Variants in DSP observed in about 807,000 individuals in gnomAD.
DSP encodes the protein 250/210 kDa paraneoplastic pemphigus antigen.
Under a neutral mutation model 290.6 loss-of-function variants are expected in DSP, and 114 were observed. That is an observed-to-expected ratio of 0.39 (90% CI 0.34 to 0.46). The LOEUF is 0.46. DSP is among the 20% of genes least tolerant of loss of function. The probability of loss-of-function intolerance (pLI) is 0.99; values close to 1 mark genes in which losing one functional copy is unlikely to be tolerated. For synonymous variants in DSP, 1,311 were observed against 1,316.4 expected, an observed-to-expected ratio of 1.00 and a Z score of 0.09; for missense variants, 3,230 against 3,495.8, an observed-to-expected ratio of 0.92 and a Z score of 1.92.
At position 7,541,825 on chromosome 6, in the gene DSP, T is replaced by C; in HGVS notation, c.-91T>C. On this transcript the variant is annotated 5_prime_UTR_variant, in exon 1 of 24. Transcript: ENST00000379802. ...GCACTCCCGCCCGGTTCCCCGGCCGTCCGCCTATCCTTGGCCCCCTCCGCT... is the reference window on the plus strand; with the variant it reads ...GCACTCCCGCCCGGTTCCCCGGCCGCCCGCCTATCCTTGGCCCCCTCCGCT... 3 of 1,462,844 alleles carry C rather than the reference T, an allele frequency of 2.1e-6. No homozygotes were observed. The highest frequency in any genetic ancestry group is 2.7e-6 in the Non-Finnish European group (3 of 1,097,800). The allele number at this position is 1,462,844 out of a possible 1,614,324, so 90.6% of individuals were successfully genotyped here.
chr6:7,549,304 C>G (rs2113643434), intron 1 of DSP, among the ~76,000 whole-genome samples: 1 of 152,274 alleles, frequency 6.6e-6, no homozygotes, highest in Middle Eastern at 3.4e-3. Flanking sequence ...CATGCGCCAC[C>G]ACGCCAGGCT....
chr6:7,543,834 G>A (rs1758093257), intron 1 of DSP, among the ~76,000 whole-genome samples: 1 of 152,138 alleles, frequency 6.6e-6, no homozygotes, highest in African/African-American at 2.4e-5. Context: ...TATACCTTTT[G>A]TAGGGGAGTA....
chr6:7,566,632 C>T (rs1476982913), intron 8 of DSP, 151 bp downstream of exon 8: 1 of 680,146 alleles, frequency 1.5e-6, no homozygotes, highest in Admixed American at 2.7e-5. Context: ...GGTTGGCAAA[C>T]TCTTTTCAGG....
Position 7,582,825 on chromosome 6 carries a change from T to C in DSP, c.5563T>C (p.Cys1855Arg), listed in dbSNP as rs1453126950. 1 of 1,613,358 alleles carries C rather than the reference T, an allele frequency of 6.2e-7. No individual in the cohort carries two copies. The highest frequency in any genetic ancestry group is 8.5e-7 in the Non-Finnish European group (1 of 1,179,884). The change falls in exon 24 of 24, where the codon TGT (cysteine) becomes CGT (arginine). Residue 1855 changes from cysteine to arginine, a missense_variant. Around this residue, in one of 5 missense-constraint regions of DSP, gnomAD observed 1,714 missense variants for 1,844.5 expected, o/e 0.93. Coordinates refer to ENST00000379802, the MANE Select transcript of DSP (RefSeq NM_004415.4). The surrounding 1 kb of genome is among the most constrained non-coding windows in gnomAD (Gnocchi z 4.2). ...AACCAGGGTGAAACAGCGCCTGGAGTGTGAGAAACAGCAAATTCAGAATGA... is the reference window on the plus strand; with the variant it reads ...AACCAGGGTGAAACAGCGCCTGGAGCGTGAGAAACAGCAAATTCAGAATGA... Reference protein sequence around the residue: ...AETRVKQRLECEKQQIQNDLN... With the variant: ...AETRVKQRLEREKQQIQNDLN...
chr6:7,562,338 G>T (rs988528820), intron 4 of DSP, among the ~76,000 whole-genome samples: 2 of 149,808 alleles, frequency 1.3e-5, no homozygotes, highest in Admixed American at 1.3e-4. Flanking sequence ...TATGTTCTGT[G>T]CACATGCTTG....
rs772372947 is a variant in DSP at position 7,580,185 on chromosome 6, C to T, written c.3995C>T (p.Ala1332Val). 3 of 1,614,008 alleles carry T rather than the reference C, an allele frequency of 1.9e-6. No homozygotes were observed. Among genetic ancestry groups the T allele is most frequent in the Admixed American group, 1.7e-5 (1 of 60,018 alleles). ...DKNKEIERLK[A>V]EFQEEAKRRW... Reference sequence around the variant, plus strand: ...AATAAGGAGATCGAGAGACTCAAAGCTGAGTTTCAGGAGGAGGCCAAGCGC... The same window carrying T: ...AATAAGGAGATCGAGAGACTCAAAGTTGAGTTTCAGGAGGAGGCCAAGCGC... The change falls in exon 23 of 24, where the codon GCT (alanine) becomes GTT (valine). Residue 1332 changes from alanine to valine, a missense_variant. Physicochemically the swap from Ala to Val is moderately conservative, Grantham distance 64 (BLOSUM62 0). Coordinates refer to ENST00000379802, the MANE Select transcript of DSP (RefSeq NM_004415.4). The surrounding 1 kb of genome is among the most constrained non-coding windows in gnomAD (Gnocchi z 4.2).
chr6:7,577,057 T>G lies in DSP; in HGVS notation c.2877+15T>G. ...ATTCAATTAAGGTATGTTGGTTTCA[T>G]AAAGAATGTTGGTATTTCACCAAGA... On this transcript the variant is annotated intron_variant, in intron 20 of 23. Coordinates refer to ENST00000379802, the MANE Select transcript of DSP (RefSeq NM_004415.4). The G allele has an allele frequency of 1.3e-6, 2 of 1,595,390 alleles. No homozygotes were observed. Among genetic ancestry groups the G allele is most frequent in the Non-Finnish European group, 1.7e-6 (2 of 1,166,964 alleles).
At chr6:7,574,338 C>T in intron 16 of DSP, 86 bp downstream of exon 16, 1 of 1,374,796 alleles carries the variant, frequency 7.3e-7, no homozygotes. Flanking sequence ...GCTTGCCTTA[C>T]AGTTTCTCTG....
rs1221191382 is a variant in DSP at position 7,568,603 on chromosome 6, T to C, written c.1419+14T>C. 3 of 1,613,350 alleles carry C rather than the reference T, an allele frequency of 1.9e-6. No homozygotes were observed. The highest frequency in any genetic ancestry group is 2.5e-6 in the Non-Finnish European group (3 of 1,180,004). ...AAACAAGATCAGGTGTGTACTCATT[T>C]AGAATGATACAAAAGTTTTCCCTGT... On this transcript the variant is annotated intron_variant, in intron 11 of 23. Coordinates refer to ENST00000379802, the MANE Select transcript of DSP (RefSeq NM_004415.4).
chr6:7,565,596 T>C lies in DSP; in HGVS notation c.939+76T>C, dbSNP rs1228981340. On this transcript the variant is annotated intron_variant, in intron 7 of 23. Coordinates refer to ENST00000379802, the MANE Select transcript of DSP (RefSeq NM_004415.4). This position sits in a 1 kb window ranked among gnomAD's most constrained non-coding sequence, Gnocchi z 4.2. ...GAAGAGCTGGGGTCTCGGGGAATGATTGGTCTATTAATAATTTAATCAGCC... is the reference window on the plus strand; with the variant it reads ...GAAGAGCTGGGGTCTCGGGGAATGACTGGTCTATTAATAATTTAATCAGCC... 4 of 1,565,592 alleles carry C rather than the reference T, an allele frequency of 2.6e-6. No homozygotes were observed. The highest frequency in any genetic ancestry group is 4.5e-5 in the East Asian group (2 of 44,576).
At chr6:7,567,122 C>T (rs1263810841) in intron 8 of DSP, among the ~76,000 whole-genome samples, 2 of 152,186 alleles carry the variant, frequency 1.3e-5, no homozygotes, top group Non-Finnish European at 2.9e-5. Flanking sequence ...CATATTTTGA[C>T]TAAGACTCCT....
At chr6:7,548,098 C>G (rs1184703214) in intron 1 of DSP, among the ~76,000 whole-genome samples, 2 of 152,028 alleles carry the variant, frequency 1.3e-5, no homozygotes, top group African/African-American at 4.8e-5. Flanking sequence ...GAAACCCCGT[C>G]TCTACTAAAA....
At chr6:7,551,372 A>G (rs1758337917) in intron 1 of DSP, among the ~76,000 whole-genome samples, 1 of 152,162 alleles carries the variant, frequency 6.6e-6, no homozygotes, top group Admixed American at 6.6e-5. Flanking sequence ...CCCATCTGTA[A>G]TCCCAGCACT....
intron 1 of DSP, among the ~76,000 whole-genome samples, chr6:7,543,415 T>G (rs1758078821): frequency 8.4e-6 from 1 of 119,248 alleles, no homozygotes; most frequent in Admixed American, 8.7e-5. Context: ...TTTTTTTTTT[T>G]GAGTTAGCAA....
Position 7,574,667 on chromosome 6 carries a change from G to A in DSP, c.2308G>A (p.Val770Ile), listed in dbSNP as rs1225927424. 1.1e-5 allele frequency: 17 copies of A among 1,613,944 alleles called. No individual in the cohort carries two copies. In the Admixed American group the frequency reaches 2.7e-4, roughly 25 times the overall value. ...TDGYLNSLCT[V>I]RALLQAILQT... is the part of the protein sequence containing the mutation. The stretch of plus-strand genomic sequence containing the variant: ...TTTTGCTCTTTCCAGCTTATGCACA[G>A]TAAGGGCACTGCTCCAGGCTATTCT... Residue 770 changes from valine to isoleucine, a missense_variant, in exon 17 of 24, where the codon GTA (valine) becomes ATA (isoleucine). Around this residue, in one of 5 missense-constraint regions of DSP, gnomAD observed 1,714 missense variants for 1,844.5 expected, o/e 0.93. Transcript: ENST00000379802.
Position 7,581,441 on chromosome 6 carries a change from G to T in DSP, c.5251G>T (p.Glu1751Ter), listed in dbSNP as rs1759438588. 6.2e-7 allele frequency: 1 copy of T among 1,612,694 alleles called. No individual in the cohort carries two copies. The highest frequency in any genetic ancestry group is 1.1e-5 in the South Asian group (1 of 90,952). The change falls in exon 23 of 24, where the codon GAA (glutamate) becomes TAA (stop). Residue 1751 changes from glutamate to a stop codon, truncating the protein, a stop_gained. Coordinates refer to ENST00000379802, the MANE Select transcript of DSP (RefSeq NM_004415.4). LOFTEE classifies it high-confidence loss of function. ...ADSDKNATIL[E>*]LRSQLQISNN... ...CAGTGATAAAAATGCAACCATCTTG[G>T]AACTAAGGAGCCAGCTGCAGATCAG...
intron 1 of DSP, among the ~76,000 whole-genome samples, chr6:7,551,446 T>C (rs980699543): frequency 1.3e-5 from 2 of 152,008 alleles, no homozygotes; most frequent in African/African-American, 2.4e-5. Flanking sequence ...GGCCAAAATT[T>C]GGTGAAACCC....
intron 12 of DSP, 103 bp from the exon 13 acceptor site, chr6:7,570,334 C>T (rs1370331449): frequency 1.3e-6 from 2 of 1,548,538 alleles, no homozygotes; most frequent in African/African-American, 1.4e-5. Context: ...TTATCAGTGA[C>T]TGTTGTAGGT....
chr6:7,567,883 C>G lies in DSP; in HGVS notation c.1243C>G (p.Leu415Val). 6.2e-7 allele frequency: 1 copy of G among 1,613,956 alleles called. No individual in the cohort carries two copies. The highest frequency in any genetic ancestry group is 1.1e-5 in the South Asian group (1 of 91,070). Residue 415 changes from leucine (L) to valine (V), a missense_variant, in exon 10 of 24, where the codon CTG (leucine) becomes GTG (valine). Physicochemically the swap from Leu to Val is conservative, Grantham distance 32. Around this residue, in one of 5 missense-constraint regions of DSP, gnomAD observed 646 missense variants for 684.3 expected, o/e 0.94. Coordinates refer to ENST00000379802, the MANE Select transcript of DSP (RefSeq NM_004415.4). ...CDKNMPLQHL[L>V]EQIKELEKER... ...CAAGAACATGCCCCTGCAGCACCTG[C>G]TGGAACAGATCAAGGAGCTGGAGGT...
Sources: gnomAD v4.1 joint callset for allele counts (sites outside exome capture counted in the v4.1 genomes callset) on GRCh38, gnomAD v4.1.1 for gene constraint, gnomAD v4.1.1 regional missense constraint, Gnocchi (gnomAD v3.1) non-coding constraint, MANE v1.5 for transcripts, NCBI Gene and HGNC (gene_info 2026-07-23, HGNC 2026-07-21) for gene names.